SENP5: variants seen among roughly 807,000 people sequenced by gnomAD.
SENP5 encodes sentrin-specific protease 5.
A neutral mutation model predicts 74.2 loss-of-function variants in SENP5; 21 were observed. The observed-to-expected ratio is 0.28, with a 90% CI of 0.20 to 0.41. The LOEUF (loss-of-function observed/expected upper bound fraction) is 0.41, where lower values mean the gene tolerates loss of function less well. Ranked by LOEUF, SENP5 falls within the 10% of genes least tolerant of loss-of-function variation. The probability of loss-of-function intolerance (pLI) is 1.00; values close to 1 mark genes in which losing one functional copy is unlikely to be tolerated. For missense variants in SENP5, 717 were observed against 889.1 expected (o/e 0.81, Z 2.46); for synonymous variants, 311 against 312.7 (o/e 0.99, Z 0.06).
chr3:196,914,586 A>AAAAAAAAAAAAATATATAT, intron 6 of SENP5: 22 of 33,498 alleles, frequency 6.6e-4, no homozygotes, highest in East Asian at 1.6e-3. Flanking sequence ...AAAAAAAAAA[A>AAAAAAAAAAAAATATATAT]ATATATATAT....
intron 2 of SENP5, among the ~76,000 whole-genome samples, chr3:196,898,540 A>G (rs923010061): frequency 1.3e-5 from 2 of 151,758 alleles, no homozygotes; most frequent in Non-Finnish European, 2.9e-5. Flanking sequence ...GGCTGTAGTG[A>G]GCTATGATTG....
chr3:196,924,247 T>C (rs1715729508), intron 7 of SENP5, among the ~76,000 whole-genome samples: 1 of 152,152 alleles, frequency 6.6e-6, no homozygotes, highest in African/African-American at 2.4e-5. Context: ...AAGGAACAAT[T>C]GGATAAATTT....
intron 9 of SENP5, among the ~76,000 whole-genome samples, chr3:196,930,543 T>C (rs1341779860): frequency 6.6e-6 from 1 of 152,100 alleles, no homozygotes; most frequent in Non-Finnish European, 1.5e-5. Flanking sequence ...CTCTTAGGAG[T>C]GTGAACCCTG....
chr3:196,880,960 T>A (rs1183632994), intron 1 of SENP5, among the ~76,000 whole-genome samples: 1 of 151,914 alleles, frequency 6.6e-6, no homozygotes, highest in Non-Finnish European at 1.5e-5. Context: ...TTTTATTTTT[T>A]TTTTGAGATA....
intron 2 of SENP5, among the ~76,000 whole-genome samples, chr3:196,889,039 G>A (rs917737046): frequency 2.0e-5 from 3 of 151,834 alleles, no homozygotes; most frequent in Non-Finnish European, 2.9e-5. Context: ...TGGTGTGAAC[G>A]GGGGAGGCGG....
intron 6 of SENP5, among the ~76,000 whole-genome samples, chr3:196,912,378 A>G (rs184628736): frequency 6.6e-6 from 1 of 152,158 alleles, no homozygotes; most frequent in South Asian, 2.1e-4. Flanking sequence ...CAATAAGAAC[A>G]CATGGACATA....
intron 6 of SENP5, among the ~76,000 whole-genome samples, chr3:196,907,897 A>T (rs1440379133): frequency 1.2e-5 from 1 of 80,322 alleles, no homozygotes. Flanking sequence ...GTTAAGTAAA[A>T]AAAAAAAAAA....
intron 1 of SENP5, among the ~76,000 whole-genome samples, chr3:196,882,125 C>T (rs1436035613): frequency 6.6e-6 from 1 of 152,022 alleles, no homozygotes; most frequent in Non-Finnish European, 1.5e-5. Flanking sequence ...TCTCGAACTC[C>T]TGACCTCAAG....
chr3:196,923,904 A>G (rs1284234008), intron 7 of SENP5, among the ~76,000 whole-genome samples: 1 of 152,242 alleles, frequency 6.6e-6, no homozygotes. Flanking sequence ...AATGGAATCA[A>G]TTGACAAAAT....
At chr3:196,905,834 G>A (rs1467081249) in intron 6 of SENP5, among the ~76,000 whole-genome samples, 2 of 152,102 alleles carry the variant, frequency 1.3e-5, no homozygotes, top group Admixed American at 1.3e-4. Flanking sequence ...TGGGGGGTTG[G>A]GTGGGGCTGA....
intron 6 of SENP5, among the ~76,000 whole-genome samples, chr3:196,904,757 C>G (rs187397845): frequency 1.7e-3 from 259 of 152,000 alleles, no homozygotes; most frequent in Non-Finnish European, 3.3e-3. Flanking sequence ...CTATTGCACT[C>G]CAGCCTTGGT....
At chr3:196,873,365 G>A (rs539632416) in intron 1 of SENP5, among the ~76,000 whole-genome samples, 2 of 151,692 alleles carry the variant, frequency 1.3e-5, no homozygotes, top group African/African-American at 4.8e-5. Context: ...GAGCCACCGC[G>A]CCCGGCCCCA....
chr3:196,920,105 T>C (rs530681103), intron 6 of SENP5, among the ~76,000 whole-genome samples: 2 of 152,214 alleles, frequency 1.3e-5, no homozygotes, highest in Non-Finnish European at 2.9e-5. Context: ...CTCTGTTGTT[T>C]AGTAAGCATG....
intron 2 of SENP5, among the ~76,000 whole-genome samples, chr3:196,888,325 G>A (rs1370099893): frequency 6.6e-6 from 1 of 152,152 alleles, no homozygotes; most frequent in Non-Finnish European, 1.5e-5. Context: ...GCTCACGCCT[G>A]TAATCCCAAC....
At position 196,930,808 on chromosome 3, in the gene SENP5, TG is replaced by T. The variant is rs200117230; in HGVS notation, c.2158-4del. 5 of 1,528,590 alleles carry T rather than the reference TG, an allele frequency of 3.3e-6. No individual in the cohort carries two copies. The Admixed American group carries it at 5.1e-5, about 16-fold the overall frequency. 94.7% of individuals were successfully genotyped at this position (1,528,590 alleles called of 1,614,324 possible). Reference sequence around the variant, plus strand: ...GAAGTGTTTCTGGGACCTTTTTTTTTGCAGTACTGCAAGTGCCTCGCCTTAG... The same window carrying T: ...GAAGTGTTTCTGGGACCTTTTTTTTTCAGTACTGCAAGTGCCTCGCCTTAG... On this transcript the variant is annotated splice_polypyrimidine_tract_variant and splice_region_variant and intron_variant, in intron 9 of 9. Transcript: ENST00000323460.
chr3:196,916,726 C>T (rs535128979), intron 6 of SENP5, among the ~76,000 whole-genome samples: 1 of 151,966 alleles, frequency 6.6e-6, no homozygotes, highest in Non-Finnish European at 1.5e-5. Flanking sequence ...AGGGTTTCAC[C>T]ATGATGGTCG....
chr3:196,927,703 GCCT>G, intron 7 of SENP5, 90 bp from the exon 8 acceptor site: 3 of 696,852 alleles, frequency 4.3e-6, no homozygotes, highest in Non-Finnish European at 7.6e-6. Context: ...TGGGGCCACA[GCCT>G]CCTCCTTTCC....
rs1714615267 is a variant in SENP5, at chr3:196,899,684, TGAA to T, written c.1537_1539del (p.Lys513del). 1 of 1,607,250 alleles carries T rather than the reference TGAA, an allele frequency of 6.2e-7. No homozygotes were observed. The highest frequency in any genetic ancestry group is 1.1e-5 in the South Asian group (1 of 90,912). On this transcript the variant is annotated inframe_deletion, in exon 3 of 10. Coordinates refer to ENST00000323460, the MANE Select transcript of SENP5 (RefSeq NM_152699.5). Reference sequence around the variant, plus strand: ...ATTTAAGGATTCCTAGATGAGGTTATGAAGAAGTATGGCAGTTTGGTTCCACTC... The same window carrying T: ...ATTTAAGGATTCCTAGATGAGGTTATGAAGTATGGCAGTTTGGTTCCACTC...
rs191720334 is a variant in SENP5 at position 196,901,287 on chromosome 3, C to T, written c.1806+875C>T. Among the ~76,000 whole-genome samples, 503 of 151,832 alleles carry T rather than the reference C, an allele frequency of 3.3e-3. 4 individuals carry two copies. The highest frequency in any genetic ancestry group is 0.012 in the African/African-American group (478 of 41,410). On this transcript the variant is annotated intron_variant, in intron 5 of 9. Transcript: ENST00000323460. ...CTCGAACTCCTGACCTCTGGTGATC[C>T]GCCCACCTCCCCCTCCCAAAGTGCT...
Sources: allele counts gnomAD v4.1 joint callset (sites outside exome capture counted in the v4.1 genomes callset), GRCh38; gene constraint gnomAD v4.1.1; transcripts MANE v1.5; gene names NCBI Gene and HGNC (gene_info 2026-07-23, HGNC 2026-07-21).